The following COPS7A variants were observed in gnomAD, a reference collection of about 807,000 sequenced individuals.
COPS7A encodes the protein COP9 signalosome complex subunit 7a.
Under a neutral mutation model 35.2 loss-of-function variants are expected in COPS7A, and 20 were observed. That is an observed-to-expected ratio of 0.57 (90% CI 0.40 to 0.83). The LOEUF is 0.83. COPS7A is among the 40% of genes least tolerant of loss of function. The probability of loss-of-function intolerance (pLI) is 0.00; values close to 1 mark genes in which losing one functional copy is unlikely to be tolerated. For missense variants in COPS7A, 247 were observed against 347.5 expected, an observed-to-expected ratio of 0.71 and a Z score of 2.30; for synonymous variants, 139 against 141.4, an observed-to-expected ratio of 0.98 and a Z score of 0.12.
In COPS7A at chr12:6,724,725, G is replaced by A. The variant is rs753187213; in HGVS notation, c.69G>A (p.Lys23=). Residue 23 remains lysine, a synonymous_variant, in exon 2 of 8, where the codon AAG becomes AAA. Coordinates refer to ENST00000543155, the MANE Select transcript of COPS7A (RefSeq NM_001164094.2). ...TTCTGCTCCTAGCCAAGTCGGCCAA[G>A]GGGGCAGCGCTGGCCACACTCATCC... The part of the protein sequence containing the change: ...EQFLLLAKSA[K]GAALATLIHQ... The A allele has an allele frequency of 1.2e-5, 20 of 1,614,150 alleles. No individual in the cohort carries two copies. The highest frequency in any genetic ancestry group is 1.5e-5 in the Non-Finnish European group (18 of 1,180,006).
At position 6,728,235 on chromosome 12, in the gene COPS7A, A is replaced by G. The variant is rs1186837069; in HGVS notation, c.251A>G (p.Asn84Ser). 1 of 1,614,100 alleles carries G rather than the reference A, an allele frequency of 6.2e-7. No individual in the cohort carries two copies. Among genetic ancestry groups the G allele is most frequent in the Admixed American group, 1.7e-5 (1 of 59,996 alleles). ...TYADYLAEAR[N>S]LPPLTEAQKN... ...CGTTTTTCCCTAGCTGAAGCCCGGA[A>G]TCTTCCTCCACTAACAGAGGCTCAG... The change falls in exon 4 of 8, where the codon AAT becomes AGT. Residue 84 changes from asparagine to serine, a missense_variant. Asn to Ser is a conservative substitution (Grantham distance 46). Transcript: ENST00000543155.
chr12:6,725,629 G>T, intron 2 of COPS7A: 1 of 456,060 alleles, frequency 2.2e-6, no homozygotes, highest in South Asian at 1.5e-5. Flanking sequence ...AGCTAAGGGA[G>T]AACGTGTCTT....
intron 2 of COPS7A, chr12:6,725,919 G>T: frequency 2.2e-6 from 1 of 455,724 alleles, no homozygotes; most frequent in South Asian, 1.6e-5. Flanking sequence ...GGCTGGGTGC[G>T]GTGGCTCATG....
intron 2 of COPS7A, chr12:6,725,787 G>A: frequency 2.2e-6 from 1 of 456,152 alleles, no homozygotes; most frequent in South Asian, 1.5e-5. Flanking sequence ...TAAGTTATTT[G>A]GGGCCTGTGG....
intron 4 of COPS7A, among the ~76,000 whole-genome samples, chr12:6,728,705 G>A (rs1941317638): frequency 6.6e-6 from 1 of 152,012 alleles, no homozygotes; most frequent in Non-Finnish European, 1.5e-5. Flanking sequence ...GCTGTTTTTT[G>A]TCTAATATCA....
In COPS7A at chr12:6,730,318, C is replaced by T. The variant is rs538793465; in HGVS notation, c.531-84C>T. The T allele has an allele frequency of 1.1e-5, 15 of 1,346,456 alleles. No homozygotes were observed. In the African/African-American group the frequency reaches 2.0e-4, roughly 18 times the overall value. 83.4% of individuals were successfully genotyped at this position (1,346,456 alleles called of 1,614,324 possible). On this transcript the variant is annotated intron_variant, in intron 5 of 7. Coordinates refer to ENST00000543155, the MANE Select transcript of COPS7A (RefSeq NM_001164094.2). ...GGGGGTGAGCTACTGCGCCCTGCCT[C>T]TAGGGTTCTTTTTGAGTCAGTTTTC...
At chr12:6,725,499 T>C (rs1008100169) in intron 2 of COPS7A, 7 of 420,866 alleles carry the variant, frequency 1.7e-5, no homozygotes, top group Admixed American at 4.9e-5. Context: ...CCCCTCTCTG[T>C]TGTGGGAATA....
chr12:6,724,887 A>C, intron 2 of COPS7A, 69 bp downstream of exon 2: 1 of 1,534,082 alleles, frequency 6.5e-7, no homozygotes. Flanking sequence ...ATGGGTGGGC[A>C]GGGCTCATTT....
intron 6 of COPS7A, 37 bp from the exon 7 acceptor site, chr12:6,730,632 A>T: frequency 6.2e-7 from 1 of 1,613,268 alleles, no homozygotes; most frequent in Non-Finnish European, 8.5e-7. Flanking sequence ...AGGTTCTGGA[A>T]CCTTCCTTGC....
Position 6,730,991 on chromosome 12 carries a change from C to G in COPS7A, c.789-9C>G. 6.2e-7 allele frequency: 1 copy of G among 1,611,942 alleles called. No homozygotes were observed. Among genetic ancestry groups the G allele is most frequent in the Non-Finnish European group, 8.5e-7 (1 of 1,178,206 alleles). ...CTCTCTCTCTCTTTCTCTCTCTTCT[C>G]CTTGCCAGGCTCCGAGGGAGCGCCA... On this transcript the variant is annotated splice_polypyrimidine_tract_variant and intron_variant, in intron 7 of 7. Coordinates refer to ENST00000543155, the MANE Select transcript of COPS7A (RefSeq NM_001164094.2).
intron 2 of COPS7A, among the ~76,000 whole-genome samples, chr12:6,726,705 G>T (rs996454061): frequency 6.6e-6 from 1 of 150,946 alleles, no homozygotes; most frequent in East Asian, 1.9e-4. Flanking sequence ...AGGTTGCAGT[G>T]AGCCGAGGTC....
chr12:6,727,809 G>T, intron 2 of COPS7A, 117 bp from the exon 3 acceptor site: 1 of 883,138 alleles, frequency 1.1e-6, no homozygotes. Flanking sequence ...TGGTGAGCCA[G>T]GAGAGTTAAC....
chr12:6,726,716 G>A (rs1258166680), intron 2 of COPS7A, among the ~76,000 whole-genome samples: 13 of 150,240 alleles, frequency 8.7e-5, no homozygotes, highest in South Asian at 2.1e-4. Flanking sequence ...AGCCGAGGTC[G>A]CGCCACTGCA....
chr12:6,730,014 A>G (rs1472238825), intron 5 of COPS7A, among the ~76,000 whole-genome samples: 1 of 152,000 alleles, frequency 6.6e-6, no homozygotes, highest in Non-Finnish European at 1.5e-5. Context: ...AGGGTTCCCA[A>G]CTCAGACTCA....
intron 2 of COPS7A, among the ~76,000 whole-genome samples, chr12:6,726,671 T>A (rs878887130): frequency 4.5e-4 from 57 of 127,938 alleles, no homozygotes; most frequent in African/African-American, 8.5e-4. Context: ...AAGTATAATT[T>A]AAAAAAAAAA....
Position 6,731,368 on chromosome 12 carries a change from C to A in COPS7A, c.*329C>A, listed in dbSNP as rs1209689982. 3 of 1,376,498 alleles carry A rather than the reference C, an allele frequency of 2.2e-6. No individual in the cohort carries two copies. Among genetic ancestry groups the A allele is most frequent in the Non-Finnish European group, 2.8e-6 (3 of 1,061,948 alleles). 85.3% of individuals were successfully genotyped at this position (1,376,498 alleles called of 1,614,324 possible). ...AGGTGGGTAGCCCTGATGGGGGTCG[C>A]TCTGTCTGGAGCATAACCCACAGGC... On this transcript the variant is annotated 3_prime_UTR_variant, in exon 8 of 8. Transcript: ENST00000543155.
chr12:6,725,660 A>G (rs1414750030), intron 2 of COPS7A: 2 of 456,104 alleles, frequency 4.4e-6, no homozygotes, highest in South Asian at 1.5e-5. Flanking sequence ...ACACATGGCA[A>G]ACTGCTAGGA....
chr12:6,728,955 A>C, intron 4 of COPS7A: 1 of 424,154 alleles, frequency 2.4e-6, no homozygotes. Flanking sequence ...AGCTGTGGCT[A>C]AAGGAGTGAC....
rs779618375 is a variant in COPS7A, at chr12:6,731,039, AAAGG to A, written c.*2_*5del. ...CCAAGATTTGGTCCAAGTCGAATTG[AAAGG>A]ACTGTCGTTTCCTCCCTGGGGATGT... On this transcript the variant is annotated 3_prime_UTR_variant, in exon 8 of 8. Transcript: ENST00000543155. The A allele has an allele frequency of 6.2e-7, 1 of 1,614,048 alleles. No individual in the cohort carries two copies. Among genetic ancestry groups the A allele is most frequent in the Non-Finnish European group, 8.5e-7 (1 of 1,179,980 alleles).
Sources: gnomAD v4.1 joint callset for allele counts (sites outside exome capture counted in the v4.1 genomes callset) on GRCh38, gnomAD v4.1.1 for gene constraint, MANE v1.5 for transcripts, NCBI Gene and HGNC (gene_info 2026-07-23, HGNC 2026-07-21) for gene names.